Variants in ATP2C2 observed in about 807,000 individuals in gnomAD.
ATP2C2 encodes the protein calcium-transporting ATPase type 2C member 2.
ATP2C2 carries 171 observed loss-of-function variants against 110.8 expected under a neutral mutation model. That is an observed-to-expected ratio of 1.54 (90% CI 1.36 to 1.75). The LOEUF (loss-of-function observed/expected upper bound fraction) is 1.75, where lower values mean the gene tolerates loss of function less well. ATP2C2 is among the 40% of genes most tolerant of loss of function. ATP2C2 has a pLI of 0.00. For synonymous variants in ATP2C2, 804 were observed against 508.4 expected, an observed-to-expected ratio of 1.58 and a Z score of -7.82; for missense variants, 1,963 against 1,235.0, an observed-to-expected ratio of 1.59 and a Z score of -8.84.
At chr16:84,396,381 A>T (rs1904978068) in intron 1 of ATP2C2, among the ~76,000 whole-genome samples, 1 of 151,746 alleles carries the variant, frequency 6.6e-6, no homozygotes, top group African/African-American at 2.4e-5. Context: ...ACCCGTCTCT[A>T]CTAAAAATAC....
chr16:84,404,896 G>C, intron 2 of ATP2C2: 1 of 574,330 alleles, frequency 1.7e-6, no homozygotes, highest in Non-Finnish European at 3.3e-6. Flanking sequence ...TGAAATTTAA[G>C]ACCAGAGTCG....
chr16:84,387,908 T>C (rs1311182793), intron 1 of ATP2C2, among the ~76,000 whole-genome samples: 1 of 147,920 alleles, frequency 6.8e-6, no homozygotes, highest in African/African-American at 2.5e-5. Flanking sequence ...CTGGGTGACA[T>C]AGTGAGATCC....
chr16:84,431,015 A>AT (rs1260210831), intron 11 of ATP2C2, among the ~76,000 whole-genome samples: 2 of 152,020 alleles, frequency 1.3e-5, no homozygotes, highest in African/African-American at 4.8e-5. Flanking sequence ...ATGAATATGT[A>AT]TTGGGCATCT....
chr16:84,388,266 A>C (rs1904433467), intron 1 of ATP2C2, among the ~76,000 whole-genome samples: 3 of 152,114 alleles, frequency 2.0e-5, no homozygotes, highest in African/African-American at 7.2e-5. Flanking sequence ...CAGAGGTTGC[A>C]GTGAGCCGAG....
chr16:84,378,953 C>G (rs1910413941), intron 1 of ATP2C2, among the ~76,000 whole-genome samples: 1 of 152,214 alleles, frequency 6.6e-6, no homozygotes, highest in Non-Finnish European at 1.5e-5. Flanking sequence ...CTGGCCCTCA[C>G]CTACTTTTTT....
chr16:84,443,688 C>T (rs555892219), intron 15 of ATP2C2, among the ~76,000 whole-genome samples: 1 of 152,280 alleles, frequency 6.6e-6, no homozygotes, highest in South Asian at 2.1e-4. Context: ...TTACCTGTCC[C>T]ATCACTGAGC....
intron 17 of ATP2C2, among the ~76,000 whole-genome samples, chr16:84,451,644 C>T (rs1397525026): frequency 6.6e-6 from 1 of 152,108 alleles, no homozygotes; most frequent in South Asian, 2.1e-4. Flanking sequence ...TTGAGACCAG[C>T]CTGGCCAACA....
chr16:84,380,841 G>A (rs1439729597), intron 1 of ATP2C2, among the ~76,000 whole-genome samples: 1 of 152,138 alleles, frequency 6.6e-6, no homozygotes, highest in African/African-American at 2.4e-5. Flanking sequence ...ACCTGATCAT[G>A]GTGATTTTTA....
chr16:84,461,536 A>C (rs890274698), intron 24 of ATP2C2, 178 bp from the exon 25 acceptor site: 41 of 672,504 alleles, frequency 6.1e-5, no homozygotes, highest in Non-Finnish European at 1.1e-4. Flanking sequence ...TGTGCTGGGG[A>C]GACCCTGGGG....
At chr16:84,371,504 C>A (rs1909952852) in intron 1 of ATP2C2, among the ~76,000 whole-genome samples, 1 of 152,108 alleles carries the variant, frequency 6.6e-6, no homozygotes, top group African/African-American at 2.4e-5. Flanking sequence ...GACCCTGTCT[C>A]AAAACAAAAC....
intron 6 of ATP2C2, among the ~76,000 whole-genome samples, chr16:84,412,511 TG>T (rs1906454816): frequency 6.1e-5 from 4 of 65,562 alleles, no homozygotes; most frequent in Non-Finnish European, 9.4e-5. Flanking sequence ...TATGTGTCTG[TG>T]TGTGTCTGTG....
chr16:84,413,322 G>C (rs996788153), intron 6 of ATP2C2, among the ~76,000 whole-genome samples: 1 of 152,106 alleles, frequency 6.6e-6, no homozygotes, highest in Non-Finnish European at 1.5e-5. Flanking sequence ...ACGGTCCCGC[G>C]TCTCAAAGAG....
At chr16:84,412,376 G>A (rs1171207686) in intron 6 of ATP2C2, among the ~76,000 whole-genome samples, 7 of 108,742 alleles carry the variant, frequency 6.4e-5, no homozygotes, top group African/African-American at 9.6e-5. Flanking sequence ...GTGTGTGTGC[G>A]TGTGTGTATA....
At chr16:84,399,126 C>T (rs1182653844) in intron 2 of ATP2C2, among the ~76,000 whole-genome samples, 3 of 152,238 alleles carry the variant, frequency 2.0e-5, no homozygotes, top group African/African-American at 4.8e-5. Flanking sequence ...CAAACATTTG[C>T]ATTGCACACA....
At chr16:84,424,599 T>TTTTTTTTTTTTTTTTTTTTTTGTTTTA (rs376880864) in intron 10 of ATP2C2, among the ~76,000 whole-genome samples, 1 of 131,250 alleles carries the variant, frequency 7.6e-6, no homozygotes, top group Non-Finnish European at 1.6e-5. Context: ...TTTTTTTTTT[T>TTTTTTTTTTTTTTTTTTTTTTGTTTTA]AACATTTTGG....
At chr16:84,401,772 C>T (rs915501008) in intron 2 of ATP2C2, among the ~76,000 whole-genome samples, 11 of 152,070 alleles carry the variant, frequency 7.2e-5, no homozygotes, top group South Asian at 2.1e-4. Flanking sequence ...ATGATTCCTC[C>T]AGTGTTGTTC....
intron 16 of ATP2C2, among the ~76,000 whole-genome samples, chr16:84,446,863 T>C (rs953266413): frequency 7.9e-5 from 12 of 152,134 alleles, no homozygotes; most frequent in Non-Finnish European, 1.3e-4. Context: ...GCCAGTCCTC[T>C]CTTTGCAGCC....
At chr16:84,434,091 A>G (rs1043206792) in intron 11 of ATP2C2, among the ~76,000 whole-genome samples, 4 of 152,180 alleles carry the variant, frequency 2.6e-5, no homozygotes, top group Non-Finnish European at 5.9e-5. Context: ...AAATGAGAGA[A>G]TCATTTTTTT....
intron 1 of ATP2C2, among the ~76,000 whole-genome samples, chr16:84,397,678 C>G (rs1905080714): frequency 4.3e-5 from 2 of 46,824 alleles, no homozygotes; most frequent in Non-Finnish European, 5.9e-5. Context: ...AAAAAACTTG[C>G]TTAAAAATAG....
Sources: allele counts gnomAD v4.1 joint callset (sites outside exome capture counted in the v4.1 genomes callset), GRCh38; gene constraint gnomAD v4.1.1; transcripts MANE v1.5; gene names NCBI Gene and HGNC (gene_info 2026-07-23, HGNC 2026-07-21).